The following ARFGEF2 variants were observed in gnomAD, a reference collection of about 807,000 sequenced individuals.
ARFGEF2 encodes the protein ARF guanine nucleotide exchange factor 2.
ARFGEF2 carries 74 observed loss-of-function variants against 219.9 expected under a neutral mutation model. The ratio of observed to expected loss-of-function variants is 0.34; its 90% CI spans 0.28 to 0.41. The LOEUF is 0.41. Ranked by LOEUF, ARFGEF2 falls within the 10% of genes least tolerant of loss-of-function variation. The pLI is 1.00. For synonymous variants in ARFGEF2, 733 were observed against 799.2 expected, an observed-to-expected ratio of 0.92 and a Z score of 1.40; for missense variants, 1,743 against 2,218.3, an observed-to-expected ratio of 0.79 and a Z score of 4.30.
At chr20:48,965,657 T>C (rs1212888985) in intron 7 of ARFGEF2, among the ~76,000 whole-genome samples, 3 of 152,220 alleles carry the variant, frequency 2.0e-5, no homozygotes, top group Non-Finnish European at 2.9e-5. Flanking sequence ...GCTGTGGCCC[T>C]GGCAGTGGGG....
At chr20:49,017,430 T>C in intron 32 of ARFGEF2, 43 bp downstream of exon 32, 1 of 1,613,874 alleles carries the variant, frequency 6.2e-7, no homozygotes, top group Non-Finnish European at 8.5e-7. Flanking sequence ...CTGTGTTCAG[T>C]GGATGTCTTA....
intron 34 of ARFGEF2, among the ~76,000 whole-genome samples, chr20:49,021,346 T>G (rs1000165477): frequency 6.6e-6 from 1 of 152,070 alleles, no homozygotes; most frequent in Non-Finnish European, 1.5e-5. Context: ...ATCACTGAAA[T>G]ATTTAATGTT....
rs190393226 is a variant in ARFGEF2, at chr20:48,972,846, A to G, written c.1526-299A>G. On this transcript the variant is annotated intron_variant, in intron 11 of 38. Coordinates refer to ENST00000371917, the MANE Select transcript of ARFGEF2 (RefSeq NM_006420.3). ...TGTCTGGCATCAAATGTAATTTTGTAAGAGTGACACAACTTTAAGAGGTGG... is the reference window on the plus strand; with the variant it reads ...TGTCTGGCATCAAATGTAATTTTGTGAGAGTGACACAACTTTAAGAGGTGG... Among the ~76,000 whole-genome samples the G allele has an allele frequency of 4.6e-5, 7 of 152,312 alleles. No homozygotes were observed. In the East Asian group the frequency reaches 1.2e-3, roughly 25 times the overall value.
At chr20:48,952,672 C>T in intron 4 of ARFGEF2, 33 bp from the exon 5 acceptor site, 1 of 1,612,572 alleles carries the variant, frequency 6.2e-7, no homozygotes, top group Non-Finnish European at 8.5e-7. Context: ...GATGTGCGTT[C>T]CTGATGGTGA....
chr20:48,950,811 A>ATATATATATATATATATAT (rs1555808097), intron 3 of ARFGEF2, among the ~76,000 whole-genome samples: 1 of 64,510 alleles, frequency 1.6e-5, no homozygotes, highest in Non-Finnish European at 2.6e-5. Context: ...AAAAAAAAAA[A>ATATATATATATATATATAT]ATATATATAT....
At chr20:48,982,530 C>T (rs1047136744) in intron 14 of ARFGEF2, among the ~76,000 whole-genome samples, 21 of 152,192 alleles carry the variant, frequency 1.4e-4, no homozygotes, top group Non-Finnish European at 4.4e-5. Flanking sequence ...CTGCTGAGAG[C>T]TGTCAGACAG....
chr20:48,921,750 G>A lies in ARFGEF2; in HGVS notation c.-140G>A, dbSNP rs899378599. 4.5e-6 allele frequency: 4 copies of A among 892,070 alleles called. No homozygotes were observed. The highest frequency in any genetic ancestry group is 5.5e-5 in the South Asian group (1 of 18,188). 55.3% of individuals were successfully genotyped at this position (892,070 alleles called of 1,614,324 possible). ...CGCGCTCCAACATGGCGGCGCCGTG[G>A]GGCCGAGGTGTCGCTTCCTGACGGG... On this transcript the variant is annotated 5_prime_UTR_variant, in exon 1 of 39. The change creates a premature stop within an existing upstream ORF in the 5' untranslated region. Transcript: ENST00000371917.
chr20:48,949,520 T>C (rs1600600827), intron 3 of ARFGEF2, among the ~76,000 whole-genome samples: 1 of 152,150 alleles, frequency 6.6e-6, no homozygotes, highest in Non-Finnish European at 1.5e-5. Context: ...ACCTGGAGAT[T>C]TGGGGGTTGG....
chr20:49,008,368 G>C (rs573466953), intron 26 of ARFGEF2, among the ~76,000 whole-genome samples: 1 of 152,038 alleles, frequency 6.6e-6, no homozygotes, highest in Admixed American at 6.6e-5. Flanking sequence ...TTCGAGACCA[G>C]CCTGGCCAAC....
intron 6 of ARFGEF2, among the ~76,000 whole-genome samples, chr20:48,961,482 T>G (rs1031627043): frequency 1.3e-5 from 2 of 152,160 alleles, no homozygotes; most frequent in Non-Finnish European, 2.9e-5. Flanking sequence ...TAACAATACT[T>G]TCTTCCGGAA....
chr20:49,010,858 A>G (rs903436830), intron 27 of ARFGEF2, among the ~76,000 whole-genome samples: 16 of 152,246 alleles, frequency 1.1e-4, no homozygotes, highest in Non-Finnish European at 1.5e-4. Flanking sequence ...CAGAAGAGCA[A>G]AAACTTGAGT....
At chr20:49,022,177 T>C (rs1234832930) in intron 34 of ARFGEF2, among the ~76,000 whole-genome samples, 1 of 117,230 alleles carries the variant, frequency 8.5e-6, no homozygotes. Flanking sequence ...AAAAAAAAAA[T>C]GTTAACTAGT....
intron 22 of ARFGEF2, 143 bp from the exon 23 acceptor site, chr20:48,995,640 C>A: frequency 1.3e-6 from 1 of 750,094 alleles, no homozygotes; most frequent in Non-Finnish European, 2.4e-6. Context: ...ATTTTATCAT[C>A]AGTGGGTTTT....
chr20:48,964,277 C>T (rs1471096070), intron 7 of ARFGEF2, among the ~76,000 whole-genome samples: 7 of 152,118 alleles, frequency 4.6e-5, no homozygotes, highest in Non-Finnish European at 8.8e-5. Context: ...TGGTGGCGCA[C>T]GCCTGTAGTC....
At position 48,975,493 on chromosome 20, in the gene ARFGEF2, A is replaced by T. The variant is rs1325359782; in HGVS notation, c.1775-523A>T. Among the ~76,000 whole-genome samples the T allele has an allele frequency of 3.9e-5, 6 of 151,930 alleles. 1 individual carries two copies. The highest frequency in any genetic ancestry group is 3.9e-4 in the Admixed American group (6 of 15,244). On this transcript the variant is annotated intron_variant, in intron 13 of 38. Transcript: ENST00000371917. Reference sequence around the variant, plus strand: ...CTTTTTTTGCCTTTTTTACTCTTTCATGTGAATTTTAGAATTAGCTCATCA... The same window carrying T: ...CTTTTTTTGCCTTTTTTACTCTTTCTTGTGAATTTTAGAATTAGCTCATCA...
In ARFGEF2 at chr20:49,035,993, G is replaced by GA. The variant is rs397957165; in HGVS notation, c.*2806dup. The GA allele has an allele frequency of 0.37, 121,235 of 326,450 alleles. 10,954 individuals are homozygous for GA. Among genetic ancestry groups the GA allele is most frequent in the African/African-American group, 0.51 (23,259 of 45,780 alleles). 20.2% of individuals were successfully genotyped at this position (326,450 alleles called of 1,614,324 possible). On this transcript the variant is annotated 3_prime_UTR_variant, in exon 39 of 39. Transcript: ENST00000371917. ...CTGGCAGGTGACTTTTGTACGAAAT[G>GA]AAAAAAAAAAAACCTGTATTTTTTT...
intron 13 of ARFGEF2, among the ~76,000 whole-genome samples, chr20:48,975,447 T>C (rs1335888657): frequency 6.6e-6 from 1 of 152,188 alleles, no homozygotes; most frequent in Non-Finnish European, 1.5e-5. Context: ...TCCTATTCGT[T>C]GTTCTTTAAG....
chr20:49,034,514 G>A lies in ARFGEF2; in HGVS notation c.*1315G>A, dbSNP rs1279525679. On this transcript the variant is annotated 3_prime_UTR_variant, in exon 39 of 39. Coordinates refer to ENST00000371917, the MANE Select transcript of ARFGEF2 (RefSeq NM_006420.3). Reference sequence around the variant, plus strand: ...TACGTGGATGCTCACCCATGAGAAGGAGCACACACGCCTCATTCTCTGCCC... The same window carrying A: ...TACGTGGATGCTCACCCATGAGAAGAAGCACACACGCCTCATTCTCTGCCC... The A allele has an allele frequency of 6.6e-6, 1 of 152,194 alleles. No homozygotes were observed. The highest frequency in any genetic ancestry group is 1.5e-5 in the Non-Finnish European group (1 of 68,040). The allele number at this position is 152,194 out of a possible 1,614,324, so 9.4% of individuals were successfully genotyped here.
chr20:49,017,503 A>T lies in ARFGEF2; in HGVS notation c.4462A>T (p.Thr1488Ser), dbSNP rs151221957. 1,097 of 1,613,660 alleles carry T rather than the reference A, an allele frequency of 6.8e-4. 4 individuals carry two copies. The highest frequency in any genetic ancestry group is 8.6e-4 in the Non-Finnish European group (1,010 of 1,179,844). The change falls in exon 33 of 39, where the codon ACA becomes TCA. Residue 1488 changes from threonine to serine, a missense_variant. This residue lies in a region of ARFGEF2 where 578 missense variants were observed against 664.0 expected (regional missense o/e 0.87). Transcript: ENST00000371917. ...FKTTIPHVLL[T>S]WRPVGMEEDS... ...CTCTATTTTTTTCTTCAGTTTGCTG[A>T]CATGGAGACCTGTAGGAATGGAGGA... is the stretch of plus-strand genomic sequence containing the variant.
Sources: allele counts gnomAD v4.1 joint callset (sites outside exome capture counted in the v4.1 genomes callset), GRCh38; gene constraint gnomAD v4.1.1; regional missense constraint gnomAD v4.1.1; transcripts MANE v1.5; gene names NCBI Gene and HGNC (gene_info 2026-07-23, HGNC 2026-07-21).